WDR41: variants seen among roughly 807,000 people sequenced by gnomAD.
The protein encoded by WDR41 is WD repeat-containing protein 41.
A neutral mutation model predicts 69.3 loss-of-function variants in WDR41; 63 were observed. That is an observed-to-expected ratio of 0.91 (90% CI 0.74 to 1.12). The LOEUF is 1.12. Among genes scored for constraint, WDR41 ranks in the 50% most tolerant of loss-of-function variants. The pLI, the probability that WDR41 is intolerant of heterozygous loss-of-function variation, is 0.00. For synonymous variants in WDR41, 185 were observed against 192.1 expected (o/e 0.96, Z 0.31); for missense variants, 543 against 534.5 (o/e 1.02, Z -0.16).
intron 4 of WDR41, among the ~76,000 whole-genome samples, chr5:77,459,387 A>G (rs974396043): frequency 6.6e-6 from 1 of 152,168 alleles, no homozygotes; most frequent in Non-Finnish European, 1.5e-5. Flanking sequence ...AATGGTCTGA[A>G]GTACTGAATC....
intron 1 of WDR41, among the ~76,000 whole-genome samples, chr5:77,557,071 C>G (rs1443553193): frequency 6.6e-6 from 1 of 151,936 alleles, no homozygotes; most frequent in African/African-American, 2.4e-5. Flanking sequence ...CACACATAAA[C>G]AAAAAATTCC....
chr5:77,603,641 C>A (rs1561236927), intron 1 of WDR41, among the ~76,000 whole-genome samples: 1 of 152,184 alleles, frequency 6.6e-6, no homozygotes, highest in Non-Finnish European at 1.5e-5. Flanking sequence ...GCTATAAAAT[C>A]TTTGCCTAGA....
rs138981351 is a variant in WDR41 at position 77,602,826 on chromosome 5, T to C, written c.42+17653A>G. On this transcript the variant is annotated intron_variant, in intron 1 of 5. Transcript: ENST00000509971. The stretch of plus-strand genomic sequence containing the variant: ...TACTTTTAGTTTTTTGTTTGTTTGT[T>C]TGAGAAATCTCCACACTGTTTTCCA... 1.8e-3 allele frequency among the ~76,000 whole-genome samples: 268 copies of C among 152,316 alleles called. 1 individual carries two copies. The highest frequency in any genetic ancestry group is 6.1e-3 in the African/African-American group (255 of 41,582).
At chr5:77,494,890 C>G (rs1018254223), upstream of WDR41, among the ~76,000 whole-genome samples, 1 of 152,084 alleles carries the variant, frequency 6.6e-6, no homozygotes, top group African/African-American at 2.4e-5. Context: ...TTAGATAGAC[C>G]ATATGTTAGG....
chr5:77,441,920 A>G (rs1425944455), intron 8 of WDR41, among the ~76,000 whole-genome samples: 1 of 152,180 alleles, frequency 6.6e-6, no homozygotes, highest in African/African-American at 2.4e-5. Flanking sequence ...AAACAAATAC[A>G]AATGGTCAGT....
chr5:77,617,485 A>C (rs1386654171), intron 1 of WDR41, among the ~76,000 whole-genome samples: 1 of 152,260 alleles, frequency 6.6e-6, no homozygotes, highest in Non-Finnish European at 1.5e-5. Context: ...TTTTGAGTGA[A>C]TAAATATGTT....
At chr5:77,476,127 AG>A (rs142220149) in intron 2 of WDR41, among the ~76,000 whole-genome samples, 76,202 of 151,320 alleles carry the variant, frequency 0.5, 19,932 homozygotes, top group African/African-American at 0.64. Flanking sequence ...AGAGAAAAAA[AG>A]AATAAAAAGA....
At chr5:77,604,430 T>C (rs926948593) in intron 1 of WDR41, among the ~76,000 whole-genome samples, 1 of 152,198 alleles carries the variant, frequency 6.6e-6, no homozygotes, top group East Asian at 1.9e-4. Context: ...AACTAAGAAA[T>C]GATCTCTGAA....
At chr5:77,512,383 T>A (rs1380972098) in intron 1 of WDR41, among the ~76,000 whole-genome samples, 1 of 147,426 alleles carries the variant, frequency 6.8e-6, no homozygotes, top group African/African-American at 2.5e-5. Flanking sequence ...TGTGTGTGTG[T>A]GTGTGTGTGT....
chr5:77,480,493 C>T (rs1189392111), intron 2 of WDR41, among the ~76,000 whole-genome samples: 3 of 151,936 alleles, frequency 2.0e-5, no homozygotes, highest in Non-Finnish European at 4.4e-5. Flanking sequence ...ACTATGCAGC[C>T]ATAAAAAATG....
chr5:77,570,833 A>T (rs1235037021), intron 1 of WDR41, among the ~76,000 whole-genome samples: 1 of 151,984 alleles, frequency 6.6e-6, no homozygotes, highest in Non-Finnish European at 1.5e-5. Flanking sequence ...TCAGAGAGCA[A>T]ATTAATTGTT....
rs1800144896 is a variant in WDR41, at chr5:77,463,119, T to C, written c.324A>G (p.Thr108=). 6.2e-7 allele frequency: 1 copy of C among 1,612,208 alleles called. No homozygotes were observed. Among genetic ancestry groups the C allele is most frequent in the Non-Finnish European group, 8.5e-7 (1 of 1,179,250 alleles). The change falls in exon 4 of 13, where the codon ACA becomes ACG. Residue 108 remains threonine (T), a synonymous_variant. Coordinates refer to ENST00000296679, the MANE Select transcript of WDR41 (RefSeq NM_018268.4). Reference sequence around the variant, plus strand: ...CAATAACTGTTCTATCAGCAGAGGCTGTCAAGATGAGTTGATTTTTCTCTT... The same window carrying C: ...CAATAACTGTTCTATCAGCAGAGGCCGTCAAGATGAGTTGATTTTTCTCTT... ...SCEEKNQLIL[T]ASADRTVIVW...
chr5:77,538,696 A>T (rs1743033023), intron 1 of WDR41, among the ~76,000 whole-genome samples: 1 of 152,196 alleles, frequency 6.6e-6, no homozygotes, highest in Non-Finnish European at 1.5e-5. Context: ...TTAAAAATGT[A>T]CATTGAAGTC....
At chr5:77,438,386 G>T (rs777768207) in intron 9 of WDR41, 25 bp from the exon 10 acceptor site, 5 of 1,612,504 alleles carry the variant, frequency 3.1e-6, no homozygotes, top group Middle Eastern at 3.3e-4. Flanking sequence ...TCAGAAATGG[G>T]CATAAAACTA....
intron 1 of WDR41, among the ~76,000 whole-genome samples, chr5:77,576,650 A>G (rs187313582): frequency 3.0e-4 from 46 of 152,074 alleles, no homozygotes; most frequent in African/African-American, 1.1e-3. Flanking sequence ...AAGAATTAGC[A>G]TTAGCTAGGT....
intron 1 of WDR41, among the ~76,000 whole-genome samples, chr5:77,594,303 A>C (rs543202484): frequency 2.9e-3 from 446 of 151,368 alleles, no homozygotes; most frequent in African/African-American, 0.01. Context: ...ATTAGGAGAT[A>C]TACCTAATGT....
intron 1 of WDR41, among the ~76,000 whole-genome samples, chr5:77,592,356 T>C (rs1744150330): frequency 6.6e-6 from 1 of 152,198 alleles, no homozygotes; most frequent in African/African-American, 2.4e-5. Context: ...TCTCCCATAT[T>C]AATTTATATT....
intron 2 of WDR41, among the ~76,000 whole-genome samples, chr5:77,469,795 C>A (rs376111850): frequency 6.6e-6 from 1 of 152,194 alleles, no homozygotes; most frequent in Non-Finnish European, 1.5e-5. Flanking sequence ...ACCAAATCTA[C>A]GTCTGATTGG....
At chr5:77,480,933 C>T (rs972803737) in intron 2 of WDR41, among the ~76,000 whole-genome samples, 1 of 152,036 alleles carries the variant, frequency 6.6e-6, no homozygotes, top group Admixed American at 6.5e-5. Context: ...AGGACTCCCA[C>T]TACTAGAGAA....
Sources: gnomAD v4.1 joint callset for allele counts (sites outside exome capture counted in the v4.1 genomes callset) on GRCh38, gnomAD v4.1.1 for gene constraint, MANE v1.5 for transcripts, NCBI Gene and HGNC (gene_info 2026-07-23, HGNC 2026-07-21) for gene names.